CASR: variants seen among roughly 807,000 people sequenced by gnomAD.
CASR encodes calcium sensing receptor, also known as extracellular calcium-sensing receptor.
Under a neutral mutation model 69.1 loss-of-function variants are expected in CASR, and 23 were observed. The ratio of observed to expected loss-of-function variants is 0.33; its 90% CI spans 0.24 to 0.47. CASR has a LOEUF of 0.47. CASR is among the 20% of genes least tolerant of loss of function. The pLI, the probability that CASR is intolerant of heterozygous loss-of-function variation, is 1.00. For synonymous variants in CASR, 541 were observed against 544.7 expected (o/e 0.99, Z 0.10); for missense variants, 924 against 1,356.1 (o/e 0.68, Z 5.00).
chr3:122,227,986 A>T (rs1559945247), intron 1 of CASR, among the ~76,000 whole-genome samples: 1 of 152,238 alleles, frequency 6.6e-6, no homozygotes, highest in East Asian at 1.9e-4. Context: ...TCAAAATAAT[A>T]TGTCCTTCCT....
intron 2 of CASR, among the ~76,000 whole-genome samples, chr3:122,255,804 A>T (rs2074548653): frequency 6.6e-6 from 1 of 152,260 alleles, no homozygotes; most frequent in Admixed American, 6.5e-5. Flanking sequence ...TAAAAGTTAG[A>T]CCAAGAGCTT....
chr3:122,280,479 C>G (rs1344089877), intron 5 of CASR, among the ~76,000 whole-genome samples: 2 of 152,164 alleles, frequency 1.3e-5, no homozygotes, highest in Non-Finnish European at 2.9e-5. Flanking sequence ...GGGCCTTTAG[C>G]TTTCATTGAG....
intron 2 of CASR, 65 bp downstream of exon 2, chr3:122,254,439 A>G: frequency 6.7e-7 from 1 of 1,486,920 alleles, no homozygotes. Flanking sequence ...AGCTGCACCA[A>G]ACGCAAAATA....
chr3:122,195,368 A>T (rs1026064802), intron 1 of CASR, among the ~76,000 whole-genome samples: 4 of 152,186 alleles, frequency 2.6e-5, no homozygotes, highest in African/African-American at 9.7e-5. Context: ...CTACTGCAAA[A>T]TTTCAGATTG....
intron 1 of CASR, among the ~76,000 whole-genome samples, chr3:122,238,031 C>G (rs530725831): frequency 5.3e-5 from 8 of 152,296 alleles, no homozygotes; most frequent in East Asian, 1.9e-4. Context: ...ATGGCTCCCC[C>G]CTGCAGGAAC....
At chr3:122,248,479 T>A (rs1362730074) in intron 1 of CASR, among the ~76,000 whole-genome samples, 1 of 152,190 alleles carries the variant, frequency 6.6e-6, no homozygotes, top group African/African-American at 2.4e-5. Context: ...TTATGATCAT[T>A]GTGACGAAAG....
intron 1 of CASR, among the ~76,000 whole-genome samples, chr3:122,206,392 T>C (rs1217229950): frequency 2.0e-5 from 3 of 152,092 alleles, no homozygotes; most frequent in African/African-American, 7.2e-5. Context: ...GATTTGAGTA[T>C]GTGGAACCAT....
chr3:122,274,164 G>T (rs945167045), intron 4 of CASR, among the ~76,000 whole-genome samples: 3 of 152,156 alleles, frequency 2.0e-5, no homozygotes, highest in Non-Finnish European at 2.9e-5. Context: ...GGGAGTGAGG[G>T]ATCCCTCTCC....
At chr3:122,241,385 G>C (rs1377042118) in intron 1 of CASR, among the ~76,000 whole-genome samples, 1 of 152,084 alleles carries the variant, frequency 6.6e-6, no homozygotes, top group Non-Finnish European at 1.5e-5. Context: ...AGGAACATTA[G>C]AGGCTACTGT....
intron 4 of CASR, among the ~76,000 whole-genome samples, chr3:122,263,689 A>T (rs186056818): frequency 6.6e-6 from 1 of 152,310 alleles, no homozygotes; most frequent in African/African-American, 2.4e-5. Context: ...TCAAGTTCTC[A>T]GCCCTTCTTA....
intron 1 of CASR, among the ~76,000 whole-genome samples, chr3:122,234,927 C>T (rs2074315027): frequency 6.6e-6 from 1 of 152,220 alleles, no homozygotes; most frequent in Non-Finnish European, 1.5e-5. Flanking sequence ...CTGGGCAAAG[C>T]CGAAGAAGGC....
At chr3:122,213,661 G>A (rs1449090801) in intron 1 of CASR, among the ~76,000 whole-genome samples, 1 of 152,140 alleles carries the variant, frequency 6.6e-6, no homozygotes, top group African/African-American at 2.4e-5. Context: ...TAGTTACCTG[G>A]ACCCTGTGGC....
intron 5 of CASR, among the ~76,000 whole-genome samples, chr3:122,279,433 G>C (rs532562868): frequency 3.3e-5 from 5 of 152,264 alleles, no homozygotes; most frequent in Non-Finnish European, 7.4e-5. Context: ...GGACAATATT[G>C]TTTGTATACG....
rs113297406 is a variant in CASR, at chr3:122,184,862, T to A, written c.-243+1050T>A. On this transcript the variant is annotated intron_variant, in intron 1 of 6. Transcript: ENST00000639785. The stretch of plus-strand genomic sequence containing the variant: ...TGCCTGTGATATAGTCAGAAAGGAC[T>A]CGCTTGCCACGTGTTAACAAGGGGA... Among the ~76,000 whole-genome samples the A allele has an allele frequency of 7.2e-3, 1,089 of 152,304 alleles. 10 individuals are homozygous for A. Among genetic ancestry groups the A allele is most frequent in the African/African-American group, 0.021 (862 of 41,558 alleles).
chr3:122,202,372 A>G (rs892959974), intron 1 of CASR, among the ~76,000 whole-genome samples: 4 of 137,650 alleles, frequency 2.9e-5, no homozygotes, highest in Non-Finnish European at 4.8e-5. Context: ...GCAGCAGTAC[A>G]GTCCAGCTTC....
intron 3 of CASR, among the ~76,000 whole-genome samples, chr3:122,259,024 G>A (rs536697252): frequency 2.0e-5 from 3 of 152,120 alleles, no homozygotes; most frequent in East Asian, 1.9e-4. Context: ...GACAAATTGC[G>A]GTTGGAACAG....
At chr3:122,184,494 C>G in intron 1 of CASR, 1 of 153,886 alleles carries the variant, frequency 6.5e-6, no homozygotes, top group Non-Finnish European at 1.4e-5. Flanking sequence ...GGGGCCGGAG[C>G]TGCCTCTGTG....
chr3:122,184,005 C>T (rs1264518547), intron 1 of CASR, among the ~76,000 whole-genome samples, 193 bp downstream of exon 1: 4 of 152,152 alleles, frequency 2.6e-5, no homozygotes, highest in Admixed American at 2.6e-4. Context: ...AGCCGGGAAC[C>T]CCTGGCTCGG....
chr3:122,244,393 G>T (rs984147699), intron 1 of CASR, among the ~76,000 whole-genome samples: 2 of 152,108 alleles, frequency 1.3e-5, no homozygotes, highest in African/African-American at 2.4e-5. Context: ...TTCATTAGCA[G>T]GAGAATGGAT....
Sources: allele counts gnomAD v4.1 joint callset (sites outside exome capture counted in the v4.1 genomes callset), GRCh38; gene constraint gnomAD v4.1.1; transcripts MANE v1.5; gene names NCBI Gene and HGNC (gene_info 2026-07-23, HGNC 2026-07-21).